STK39: variants seen among roughly 807,000 people sequenced by gnomAD.
STK39 encodes STE20/SPS1-related proline-alanine-rich protein kinase.
A neutral mutation model predicts 77.8 loss-of-function variants in STK39; 20 were observed. The observed-to-expected ratio is 0.26, with a 90% CI of 0.18 to 0.37. The LOEUF is 0.37. Ranked by LOEUF, STK39 falls within the 10% of genes least tolerant of loss-of-function variation. The pLI is 1.00. For synonymous variants in STK39, 246 were observed against 234.1 expected (o/e 1.05, Z -0.47); for missense variants, 479 against 656.5 (o/e 0.73, Z 2.95).
intron 14 of STK39, among the ~76,000 whole-genome samples, chr2:168,048,503 C>CGCCCGGCCCA (rs1553517838): frequency 6.6e-6 from 1 of 150,384 alleles, no homozygotes; most frequent in African/African-American, 2.4e-5. Context: ...TGAGCCACCG[C>CGCCCGGCCCA]GCCCGGCCCG....
At chr2:167,996,196 C>G (rs1049420783) in intron 16 of STK39, among the ~76,000 whole-genome samples, 1 of 152,126 alleles carries the variant, frequency 6.6e-6, no homozygotes, top group Non-Finnish European at 1.5e-5. Flanking sequence ...AATTTACTAT[C>G]CACTCTCGTG....
chr2:168,014,448 A>G (rs1385223369), intron 15 of STK39, among the ~76,000 whole-genome samples: 1 of 152,110 alleles, frequency 6.6e-6, no homozygotes, highest in South Asian at 2.1e-4. Flanking sequence ...AGGGTGACAG[A>G]GTGAAACCCT....
chr2:167,976,678 T>C (rs913830673), intron 16 of STK39, among the ~76,000 whole-genome samples: 1 of 151,776 alleles, frequency 6.6e-6, no homozygotes, highest in Non-Finnish European at 1.5e-5. Flanking sequence ...AGCAAGTGAG[T>C]TCAAGAGGAC....
chr2:168,220,204 G>A (rs1482984064), intron 1 of STK39, among the ~76,000 whole-genome samples: 2 of 152,084 alleles, frequency 1.3e-5, no homozygotes, highest in Non-Finnish European at 2.9e-5. Flanking sequence ...ACAAGCATGT[G>A]CCAATAATGA....
intron 1 of STK39, among the ~76,000 whole-genome samples, chr2:168,225,624 G>A (rs2105249970): frequency 6.6e-6 from 1 of 152,278 alleles, no homozygotes; most frequent in South Asian, 2.1e-4. Context: ...TCTTCCTAGG[G>A]AAGAAAGTTA....
chr2:168,163,305 A>G (rs1396343660), intron 4 of STK39, among the ~76,000 whole-genome samples: 2 of 152,210 alleles, frequency 1.3e-5, no homozygotes, highest in African/African-American at 4.8e-5. Context: ...ATGTTTGGAT[A>G]GTCTTGCTTG....
At chr2:168,076,220 G>C (rs368399389) in intron 10 of STK39, among the ~76,000 whole-genome samples, 1 of 152,266 alleles carries the variant, frequency 6.6e-6, no homozygotes, top group South Asian at 2.1e-4. Flanking sequence ...TGAGGAGATG[G>C]AGGCCCAGAA....
chr2:168,176,203 T>A (rs1206363751), intron 2 of STK39, among the ~76,000 whole-genome samples: 1 of 152,170 alleles, frequency 6.6e-6, no homozygotes. Flanking sequence ...AGTTTTTTAA[T>A]CACTATCTTT....
Position 168,140,745 on chromosome 2 carries a change from A to C in STK39, c.642T>G (p.Ser214Arg), listed in dbSNP as rs1330422220. ...GSVQIADFGVSAFLATGGDVT... is the reference protein window; with the variant it reads ...GSVQIADFGVRAFLATGGDVT... ...CATCACCCCCTGTTGCTAGGAACGC[A>C]CTTACCCCAAAATCTGAAAGGGAAA... is the stretch of plus-strand genomic sequence containing the variant. The change falls in exon 6 of 18, where the codon AGT becomes AGG. Residue 214 changes from serine (S) to arginine (R), a missense_variant. Around this residue, in one of 3 missense-constraint regions of STK39, gnomAD observed 139 missense variants for 280.6 expected, o/e 0.50. Transcript: ENST00000355999. 2 of 1,594,880 alleles carry C rather than the reference A, an allele frequency of 1.3e-6. No homozygotes were observed. The highest frequency in any genetic ancestry group is 1.7e-6 in the Non-Finnish European group (2 of 1,171,718).
chr2:168,145,231 C>T (rs561898813), intron 5 of STK39, among the ~76,000 whole-genome samples: 1 of 152,258 alleles, frequency 6.6e-6, no homozygotes, highest in Admixed American at 6.5e-5. Context: ...AAACTGACAG[C>T]TGCAAGGGTC....
chr2:168,063,422 T>G, intron 14 of STK39, 78 bp downstream of exon 14: 1 of 1,273,236 alleles, frequency 7.9e-7, no homozygotes, highest in East Asian at 2.4e-5. Context: ...ATGCTAATAT[T>G]ATGAAAGGTT....
rs199612636 is a variant in STK39 at position 167,955,306 on chromosome 2, G to A, written c.*190C>T. 14 of 525,008 alleles carry A rather than the reference G, an allele frequency of 2.7e-5. No homozygotes were observed. Among genetic ancestry groups the A allele is most frequent in the Middle Eastern group, 5.1e-4 (1 of 1,958 alleles). 32.5% of individuals were successfully genotyped at this position (525,008 alleles called of 1,614,324 possible). ...ATTGCTAGAGAATAAAGCAGAACTC[G>A]GAGTGTTGTAAGTTTTAAAAAATTA... On this transcript the variant is annotated 3_prime_UTR_variant, in exon 18 of 18. Coordinates refer to ENST00000355999, the MANE Select transcript of STK39 (RefSeq NM_013233.3).
chr2:168,157,079 G>C (rs879416136), intron 5 of STK39, among the ~76,000 whole-genome samples: 1 of 152,184 alleles, frequency 6.6e-6, no homozygotes, highest in African/African-American at 2.4e-5. Flanking sequence ...AATGGATAAC[G>C]CCTAAGTGAC....
chr2:168,228,770 G>C (rs372069120), intron 1 of STK39, among the ~76,000 whole-genome samples: 51 of 152,208 alleles, frequency 3.4e-4, no homozygotes, highest in African/African-American at 1.0e-3. Context: ...GCCTGGACAA[G>C]AGTGAAACTC....
Position 168,075,176 on chromosome 2 carries a change from C to T in STK39, c.1145G>A (p.Trp382Ter). 6.2e-7 allele frequency: 1 copy of T among 1,614,190 alleles called. No homozygotes were observed. Among genetic ancestry groups the T allele is most frequent in the Non-Finnish European group, 8.5e-7 (1 of 1,180,044 alleles). The part of the protein sequence containing the change: ...GHLHKTEDGD[W>*]EWSDDEMDEK... The stretch of plus-strand genomic sequence containing the variant: ...ATCCATCTCGTCGTCACTCCACTCC[C>T]AGTCCCCGTCTTCGGTTTTATGAAG... Residue 382 changes from tryptophan to a stop codon, truncating the protein, a stop_gained, in exon 11 of 18, where the codon TGG becomes TAG. Coordinates refer to ENST00000355999, the MANE Select transcript of STK39 (RefSeq NM_013233.3). LOFTEE classifies it high-confidence loss of function.
intron 1 of STK39, among the ~76,000 whole-genome samples, chr2:168,193,469 CATT>C (rs1328600763): frequency 3.3e-5 from 5 of 152,230 alleles, no homozygotes; most frequent in Non-Finnish European, 7.3e-5. Flanking sequence ...CTGAGAACAT[CATT>C]GAGTGAGAAG....
chr2:168,058,177 CA>C (rs1381081881), intron 14 of STK39, among the ~76,000 whole-genome samples: 3 of 152,330 alleles, frequency 2.0e-5, no homozygotes, highest in Non-Finnish European at 4.4e-5. Context: ...CCAGTTGGAC[CA>C]GGCTTTTGTC....
At chr2:168,181,805 A>ACAAT (rs1689088505) in intron 2 of STK39, among the ~76,000 whole-genome samples, 173 bp downstream of exon 2, 1 of 152,226 alleles carries the variant, frequency 6.6e-6, no homozygotes, top group Non-Finnish European at 1.5e-5. Context: ...ATTATACAAC[A>ACAAT]CAATCATAAG....
At chr2:168,203,817 C>T (rs1689671849) in intron 1 of STK39, among the ~76,000 whole-genome samples, 1 of 152,236 alleles carries the variant, frequency 6.6e-6, no homozygotes, top group African/African-American at 2.4e-5. Context: ...TGGTCTTGAA[C>T]TCTTGACCTC....
Sources: allele counts gnomAD v4.1 joint callset (sites outside exome capture counted in the v4.1 genomes callset), GRCh38; gene constraint gnomAD v4.1.1; regional missense constraint gnomAD v4.1.1; transcripts MANE v1.5; gene names NCBI Gene and HGNC (gene_info 2026-07-23, HGNC 2026-07-21).